Variants in KRT7 observed in about 807,000 individuals in gnomAD.
The protein encoded by KRT7 is keratin 7, also known as keratin, type II cytoskeletal 7.
In KRT7, 50 loss-of-function variants were observed where a neutral mutation model predicts 42.8. The ratio of observed to expected loss-of-function variants is 1.17; its 90% CI spans 0.93 to 1.48. KRT7 has a LOEUF of 1.48. KRT7 is among the 40% of genes most tolerant of loss of function. The pLI, the probability that KRT7 is intolerant of heterozygous loss-of-function variation, is 0.00. For missense variants in KRT7, 588 were observed against 637.6 expected (o/e 0.92, Z 0.84); for synonymous variants, 268 against 266.3 (o/e 1.01, Z -0.06).
intron 3 of KRT7, 173 bp downstream of exon 3, chr12:52,237,742 G>A (rs1942032043): frequency 2.1e-6 from 1 of 479,860 alleles, no homozygotes; most frequent in Non-Finnish European, 3.7e-6. Flanking sequence ...GTGTGTGTGT[G>A]TGTGTGTGTG....
At chr12:52,251,774 T>C (rs1427768178), downstream of KRT7, 1 of 355,658 alleles carries the variant, frequency 2.8e-6, no homozygotes, top group East Asian at 7.4e-5. Flanking sequence ...TCTTTCCTTT[T>C]AGAGTCTGCA....
downstream of KRT7, chr12:52,254,161 G>A: frequency 2.0e-6 from 1 of 487,820 alleles, no homozygotes; most frequent in Non-Finnish European, 4.0e-6. Flanking sequence ...ACCTGCCTGG[G>A]GTTTCTCCCC....
At chr12:52,241,785 G>T in intron 5 of KRT7, 149 bp downstream of exon 5, 1 of 617,542 alleles carries the variant, frequency 1.6e-6, no homozygotes, top group East Asian at 2.8e-5. Context: ...CAGCCCTGGA[G>T]AAAATCCCAA....
downstream of KRT7, among the ~76,000 whole-genome samples, chr12:52,250,208 G>T (rs1297588992): frequency 4.7e-4 from 71 of 152,240 alleles, 1 homozygote; most frequent in Non-Finnish European, 1.5e-5. Context: ...CCGGACCGGG[G>T]TCTTTACCTA....
chr12:52,251,390 A>G (rs897687333), downstream of KRT7, among the ~76,000 whole-genome samples: 5 of 152,242 alleles, frequency 3.3e-5, no homozygotes, highest in Admixed American at 6.5e-5. Flanking sequence ...GAGCTTTAAA[A>G]AATCACACAC....
At chr12:52,247,300 C>T (rs1350344339) in intron 7 of KRT7, 1 of 152,252 alleles carries the variant, frequency 6.6e-6, no homozygotes. Context: ...CTGGCTCCCT[C>T]TCCCCACCCA....
chr12:52,243,154 T>G lies in KRT7; in HGVS notation c.984+17T>G. On this transcript the variant is annotated intron_variant, in intron 6 of 8. Transcript: ENST00000331817. Reference sequence around the variant, plus strand: ...AAGAACCAGGTGGGACAAGTCCTCCTGGCTTCCCCTGCTACTTGGGGCATG... The same window carrying G: ...AAGAACCAGGTGGGACAAGTCCTCCGGGCTTCCCCTGCTACTTGGGGCATG... 3 of 1,602,846 alleles carry G rather than the reference T, an allele frequency of 1.9e-6. No homozygotes were observed. In the African/African-American group the frequency reaches 4.0e-5, roughly 21 times the overall value.
chr12:52,244,873 C>T (rs954338164), intron 6 of KRT7, among the ~76,000 whole-genome samples: 3 of 152,072 alleles, frequency 2.0e-5, no homozygotes, highest in African/African-American at 7.2e-5. Flanking sequence ...CTGCTCCAGG[C>T]CCTCCTATTC....
chr12:52,243,870 T>G (rs1462483115), intron 6 of KRT7, among the ~76,000 whole-genome samples: 1 of 152,250 alleles, frequency 6.6e-6, no homozygotes, highest in East Asian at 1.9e-4. Flanking sequence ...ATATAACAGA[T>G]GCCTGGAGAG....
At chr12:52,250,507 C>T (rs907785425), downstream of KRT7, 1 of 746,972 alleles carries the variant, frequency 1.3e-6, no homozygotes, top group Non-Finnish European at 2.3e-6. Flanking sequence ...CTGCTCTGGC[C>T]GCAGGGCGCA....
Position 52,237,587 on chromosome 12 carries a change from G to T in KRT7, c.597+18G>T. 1 of 1,563,676 alleles carries T rather than the reference G, an allele frequency of 6.4e-7. No individual in the cohort carries two copies. Among genetic ancestry groups the T allele is most frequent in the Non-Finnish European group, 8.6e-7 (1 of 1,160,148 alleles). On this transcript the variant is annotated intron_variant, in intron 3 of 8. Coordinates refer to ENST00000331817, the MANE Select transcript of KRT7 (RefSeq NM_005556.4). ...TGAAGAAGGTGAGTGGGAAAGACAG[G>T]CTCGAGGAGGGTTGTCTGAAAACAT...
rs1177703296 is a variant in KRT7, at chr12:52,248,629, G to A, written c.1279G>A (p.Gly427Ser). Residue 427 changes from glycine to serine, a missense_variant, in exon 9 of 9, where the codon GGC becomes AGC. Coordinates refer to ENST00000331817, the MANE Select transcript of KRT7 (RefSeq NM_005556.4). Reference sequence around the variant, plus strand: ...CACTGGTGGCAGTAGCAGTGGCGGTGGCATTGGGCTGACCCTCGGGGGAAC... The same window carrying A: ...CACTGGTGGCAGTAGCAGTGGCGGTAGCATTGGGCTGACCCTCGGGGGAAC... ...NSTGGSSSGG[G>S]IGLTLGGTMG... The A allele has an allele frequency of 6.2e-7, 1 of 1,604,082 alleles. No individual in the cohort carries two copies. Among genetic ancestry groups the A allele is most frequent in the Non-Finnish European group, 8.5e-7 (1 of 1,175,750 alleles).
At position 52,233,398 on chromosome 12, in the gene KRT7, T is replaced by TGGC; in HGVS notation, c.103_105dup (p.Gly35dup). On this transcript the variant is annotated inframe_insertion, in exon 1 of 9. Transcript: ENST00000331817. ...TGAGCTCCGCTCGCCCCGGCGGCCTTGGCAGCAGCAGCCTCTACGGCCTCG... is the reference window on the plus strand; with the variant it reads ...TGAGCTCCGCTCGCCCCGGCGGCCTTGGCGGCAGCAGCAGCCTCTACGGCCTCG... 6.4e-7 allele frequency: 1 copy of TGGC among 1,565,636 alleles called. No individual in the cohort carries two copies. Among genetic ancestry groups the TGGC allele is most frequent in the Non-Finnish European group, 8.6e-7 (1 of 1,162,212 alleles).
chr12:52,238,990 G>A (rs529683517), intron 4 of KRT7, among the ~76,000 whole-genome samples: 3 of 152,364 alleles, frequency 2.0e-5, no homozygotes, highest in African/African-American at 7.2e-5. Flanking sequence ...TGATGGGCAG[G>A]CATGCCCAGC....
At chr12:52,236,062 C>T (rs1218336255) in intron 2 of KRT7, among the ~76,000 whole-genome samples, 1 of 152,090 alleles carries the variant, frequency 6.6e-6, no homozygotes, top group African/African-American at 2.4e-5. Flanking sequence ...GAAGCTCAGG[C>T]TGGGCCCCAC....
chr12:52,254,926 AC>A (rs1196314837), downstream of KRT7, among the ~76,000 whole-genome samples: 18 of 152,226 alleles, frequency 1.2e-4, no homozygotes, highest in Non-Finnish European at 2.6e-4. Context: ...GCAAGGAATG[AC>A]GGTCACTGCC....
intron 4 of KRT7, 23 bp from the exon 5 acceptor site, chr12:52,241,449 G>T: frequency 6.3e-7 from 1 of 1,585,634 alleles, no homozygotes; most frequent in Non-Finnish European, 8.6e-7. Context: ...CCTAAGTCCT[G>T]ATGTCCCGTC....
At position 52,248,676 on chromosome 12, in the gene KRT7, C is replaced by T; in HGVS notation, c.1326C>T (p.Ser442=). 1.2e-6 allele frequency: 2 copies of T among 1,613,504 alleles called. No individual in the cohort carries two copies. The highest frequency in any genetic ancestry group is 1.1e-5 in the South Asian group (1 of 91,058). ...LGGTMGSNAL[S]FSSSAGPGLL... is the part of the protein sequence containing the mutation. Reference sequence around the variant, plus strand: ...GAACCATGGGCAGCAATGCCCTGAGCTTCTCCAGCAGTGCGGGTCCTGGGC... The same window carrying T: ...GAACCATGGGCAGCAATGCCCTGAGTTTCTCCAGCAGTGCGGGTCCTGGGC... The change falls in exon 9 of 9, where the codon AGC becomes AGT. Residue 442 remains serine, a synonymous_variant. Transcript: ENST00000331817.
chr12:52,251,873 G>A (rs1170998899), downstream of KRT7: 1 of 394,682 alleles, frequency 2.5e-6, no homozygotes, highest in African/African-American at 2.1e-5. Flanking sequence ...GCCTTTGGCT[G>A]TGGCTGCTTT....
Sources: gnomAD v4.1 joint callset for allele counts (sites outside exome capture counted in the v4.1 genomes callset) on GRCh38, gnomAD v4.1.1 for gene constraint, MANE v1.5 for transcripts, NCBI Gene and HGNC (gene_info 2026-07-23, HGNC 2026-07-21) for gene names.